EDNRA: variants seen among roughly 807,000 people sequenced by gnomAD.
The protein encoded by EDNRA is endothelin-1 receptor.
EDNRA carries 11 observed loss-of-function variants against 41.4 expected under a neutral mutation model. The observed-to-expected ratio is 0.27, with a 90% CI of 0.17 to 0.44. EDNRA has a LOEUF of 0.44. Ranked by LOEUF, EDNRA falls within the 20% of genes least tolerant of loss-of-function variation. EDNRA has a pLI of 1.00. For synonymous variants in EDNRA, 172 were observed against 183.0 expected, an observed-to-expected ratio of 0.94 and a Z score of 0.49; for missense variants, 294 against 531.0, an observed-to-expected ratio of 0.55 and a Z score of 4.39.
chr4:147,500,260 A>C (rs1042303189), intron 2 of EDNRA, among the ~76,000 whole-genome samples: 1 of 152,214 alleles, frequency 6.6e-6, no homozygotes, highest in South Asian at 2.1e-4. Flanking sequence ...ATCAGGGACT[A>C]TTTCTTTAAT....
chr4:147,505,524 T>C (rs1729674974), intron 2 of EDNRA, among the ~76,000 whole-genome samples: 1 of 150,780 alleles, frequency 6.6e-6, no homozygotes, highest in East Asian at 1.9e-4. Flanking sequence ...GTATTTTTAG[T>C]AGAGACGGGG....
intron 3 of EDNRA, among the ~76,000 whole-genome samples, chr4:147,527,747 A>G (rs563440489): frequency 2.0e-5 from 3 of 152,272 alleles, no homozygotes; most frequent in African/African-American, 7.2e-5. Context: ...TGAATAAAAT[A>G]TATATTTTAT....
At chr4:147,531,937 G>C (rs748763379) in intron 3 of EDNRA, among the ~76,000 whole-genome samples, 16 of 151,188 alleles carry the variant, frequency 1.1e-4, no homozygotes, top group Non-Finnish European at 1.9e-4. Flanking sequence ...GTGAACCTGG[G>C]AGGCGGAGCT....
At chr4:147,526,073 G>A (rs1434627820) in intron 3 of EDNRA, among the ~76,000 whole-genome samples, 1 of 152,232 alleles carries the variant, frequency 6.6e-6, no homozygotes, top group African/African-American at 2.4e-5. Context: ...AAGGGTCTGA[G>A]CCAGAAGACA....
chr4:147,497,149 CTTTTTTTTTTTTT>C (rs11330586), intron 2 of EDNRA, among the ~76,000 whole-genome samples: 9 of 75,030 alleles, frequency 1.2e-4, no homozygotes, highest in Admixed American at 1.2e-3. Flanking sequence ...TAGAATTCTT[CTTTTTTTTTTTTT>C]TTTTTTTTTT....
chr4:147,533,427 G>A (rs1730819493), intron 4 of EDNRA, among the ~76,000 whole-genome samples: 2 of 152,192 alleles, frequency 1.3e-5, no homozygotes, highest in Admixed American at 1.3e-4. Context: ...AAAACCAAAA[G>A]GATAACTATT....
At chr4:147,490,854 C>T (rs988690318) in intron 2 of EDNRA, 2 of 152,170 alleles carry the variant, frequency 1.3e-5, no homozygotes, top group African/African-American at 2.4e-5. Context: ...CCATTATGCA[C>T]ACACAGACAT....
chr4:147,496,481 A>G (rs1729304696), intron 2 of EDNRA, among the ~76,000 whole-genome samples: 1 of 152,268 alleles, frequency 6.6e-6, no homozygotes, highest in South Asian at 2.1e-4. Context: ...GCATACACAT[A>G]GAATAATGTG....
intron 2 of EDNRA, among the ~76,000 whole-genome samples, chr4:147,505,880 C>G (rs1207024946): frequency 2.6e-5 from 4 of 151,760 alleles, no homozygotes; most frequent in Non-Finnish European, 5.9e-5. Context: ...AATCTCCTGA[C>G]CAGGAGATCC....
chr4:147,482,173 G>A (rs1318610159), intron 1 of EDNRA, among the ~76,000 whole-genome samples: 1 of 152,160 alleles, frequency 6.6e-6, no homozygotes, highest in Non-Finnish European at 1.5e-5. Context: ...ACCTGTAGTT[G>A]TCTATGTGTT....
chr4:147,512,757 C>T, intron 2 of EDNRA, among the ~76,000 whole-genome samples: 1 of 152,332 alleles, frequency 6.6e-6, no homozygotes, highest in East Asian at 1.9e-4. Flanking sequence ...ACACCACCCT[C>T]TTCTTCTGTG....
chr4:147,499,797 C>CTTTTTTTTT (rs58464606), intron 2 of EDNRA, among the ~76,000 whole-genome samples: 2 of 85,350 alleles, frequency 2.3e-5, no homozygotes, highest in Non-Finnish European at 2.1e-5. Flanking sequence ...CTCTAAAAGT[C>CTTTTTTTTT]TTTTTTTTTT....
At position 147,534,412 on chromosome 4, in the gene EDNRA, C is replaced by A. The variant is rs146864217; in HGVS notation, c.748-1465C>A. Among the ~76,000 whole-genome samples, 70 of 152,188 alleles carry A rather than the reference C, an allele frequency of 4.6e-4. No homozygotes were observed. The East Asian group carries it at 0.013, about 28-fold the overall frequency. On this transcript the variant is annotated intron_variant, in intron 4 of 7. Coordinates refer to ENST00000651419, the MANE Select transcript of EDNRA (RefSeq NM_001957.4). ...AACTCCTTTGGGAGTTTGCACTTAA[C>A]CTGAGGATAGAATTCAGGGATCTGT...
chr4:147,531,527 T>C (rs1730735933), intron 3 of EDNRA: 1 of 152,244 alleles, frequency 6.6e-6, no homozygotes, highest in Admixed American at 6.5e-5. Flanking sequence ...CATATTACTA[T>C]AACAAGTACC....
chr4:147,539,629 C>T (rs568114900), intron 5 of EDNRA, among the ~76,000 whole-genome samples, 188 bp from the exon 6 acceptor site: 18 of 152,242 alleles, frequency 1.2e-4, no homozygotes, highest in African/African-American at 3.6e-4. Flanking sequence ...GCATCATTAG[C>T]AATTCCTTCG....
intron 2 of EDNRA, among the ~76,000 whole-genome samples, chr4:147,517,885 G>A (rs1018127911): frequency 6.6e-6 from 1 of 152,180 alleles, no homozygotes; most frequent in African/African-American, 2.4e-5. Flanking sequence ...TTCATTTGTG[G>A]TTTTTCTGGA....
chr4:147,539,800 T>C lies in EDNRA; in HGVS notation c.901-17T>C, dbSNP rs1176895661. 28 of 1,602,540 alleles carry C rather than the reference T, an allele frequency of 1.7e-5. No individual in the cohort carries two copies. The highest frequency in any genetic ancestry group is 2.4e-5 in the Non-Finnish European group (28 of 1,177,278). ...ACACTAAATTTGTTGTCCTATTTTTTTCTCACTTTCCTTTAGCGTCGAGAA... is the reference window on the plus strand; with the variant it reads ...ACACTAAATTTGTTGTCCTATTTTTCTCTCACTTTCCTTTAGCGTCGAGAA... On this transcript the variant is annotated splice_polypyrimidine_tract_variant and intron_variant, in intron 5 of 7. Transcript: ENST00000651419.
In EDNRA at chr4:147,482,898, G is replaced by A. The variant is rs189991953; in HGVS notation, c.-71+1522G>A. On this transcript the variant is annotated intron_variant, in intron 1 of 7. Transcript: ENST00000651419. ...TCAGTTCACAGGTCAGTTCCCAGCC[G>A]ACTGTAACCGGCAGAGAGCCATTCC... Among the ~76,000 whole-genome samples, 520 of 152,312 alleles carry A rather than the reference G, an allele frequency of 3.4e-3. 2 individuals are homozygous for A. Among genetic ancestry groups the A allele is most frequent in the Non-Finnish European group, 5.1e-3 (344 of 68,030 alleles).
At chr4:147,497,634 C>T (rs1044448654) in intron 2 of EDNRA, among the ~76,000 whole-genome samples, 2 of 151,818 alleles carry the variant, frequency 1.3e-5, no homozygotes, top group Non-Finnish European at 2.9e-5. Context: ...TGCAGTGGCG[C>T]GATCTTGGCT....
Sources: gnomAD v4.1 joint callset for allele counts (sites outside exome capture counted in the v4.1 genomes callset) on GRCh38, gnomAD v4.1.1 for gene constraint, MANE v1.5 for transcripts, NCBI Gene and HGNC (gene_info 2026-07-23, HGNC 2026-07-21) for gene names.